The following JPH2 variants were observed in gnomAD, a reference collection of about 807,000 sequenced individuals.
The protein encoded by JPH2 is junctophilin 2.
Under a neutral mutation model 55.9 loss-of-function variants are expected in JPH2, and 38 were observed. That is an observed-to-expected ratio of 0.68 (90% CI 0.52 to 0.89). JPH2 has a LOEUF of 0.89. Among genes scored for constraint, JPH2 ranks in the 40% least tolerant of loss-of-function variants. The pLI, the probability that JPH2 is intolerant of heterozygous loss-of-function variation, is 0.00. For missense variants in JPH2, 964 were observed against 1,037.6 expected, an observed-to-expected ratio of 0.93 and a Z score of 0.97; for synonymous variants, 480 against 472.4, an observed-to-expected ratio of 1.02 and a Z score of -0.21.
chr20:44,134,597 TA>T (rs2072382997), intron 2 of JPH2, among the ~76,000 whole-genome samples: 2 of 14,382 alleles, frequency 1.4e-4, no homozygotes, highest in Non-Finnish European at 2.2e-4. Flanking sequence ...TATATAAATA[TA>T]TATTTATTAT....
intron 1 of JPH2, among the ~76,000 whole-genome samples, 162 bp downstream of exon 1, chr20:44,186,165 G>A (rs1432562416): frequency 6.6e-6 from 1 of 152,066 alleles, no homozygotes; most frequent in Non-Finnish European, 1.5e-5. Flanking sequence ...CAAGAAAATG[G>A]AAGCTCAGAA....
At chr20:44,134,421 T>TATATTTATTATAAATATATATAAATAA (rs2072373631) in intron 2 of JPH2, among the ~76,000 whole-genome samples, 1 of 42,308 alleles carries the variant, frequency 2.4e-5, no homozygotes, top group Non-Finnish European at 3.8e-5. Context: ...TAAATAAATA[T>TATATTTATTATAAATATATATAAATAA]ATATTTATTA....
At chr20:44,122,546 CACTT>C (rs1478677281) in intron 2 of JPH2, among the ~76,000 whole-genome samples, 1 of 152,206 alleles carries the variant, frequency 6.6e-6, no homozygotes, top group East Asian at 1.9e-4. Flanking sequence ...TTGGATCCCT[CACTT>C]ACTCACTCAC....
At chr20:44,115,137 G>C (rs1166654105) in intron 4 of JPH2, among the ~76,000 whole-genome samples, 1 of 152,116 alleles carries the variant, frequency 6.6e-6, no homozygotes, top group African/African-American at 2.4e-5. Context: ...ATCAGGCCTG[G>C]AACCCAGGCA....
At chr20:44,138,169 G>A (rs1354047465) in intron 2 of JPH2, among the ~76,000 whole-genome samples, 3 of 151,480 alleles carry the variant, frequency 2.0e-5, no homozygotes, top group East Asian at 1.9e-4. Context: ...CACCACGCCC[G>A]GCCAATTTTT....
chr20:44,118,862 G>A (rs2072214142), intron 2 of JPH2, among the ~76,000 whole-genome samples: 1 of 152,228 alleles, frequency 6.6e-6, no homozygotes, highest in Non-Finnish European at 1.5e-5. Context: ...GTGTGGTCAG[G>A]TGACTGAGTT....
Position 44,159,648 on chromosome 20 carries a change from G to A in JPH2, c.1139C>T (p.Ala380Val), listed in dbSNP as rs1216466447. 3.1e-6 allele frequency: 5 copies of A among 1,607,204 alleles called. No individual in the cohort carries two copies. Among genetic ancestry groups the A allele is most frequent in the African/African-American group, 2.7e-5 (2 of 74,922 alleles). Residue 380 changes from alanine (A) to valine (V), a missense_variant, in exon 2 of 6, where the codon GCG (alanine) becomes GTG (valine). Physicochemically the swap from Ala to Val is moderately conservative, Grantham distance 64. Coordinates refer to ENST00000372980, the MANE Select transcript of JPH2 (RefSeq NM_020433.5). This position sits in a 1 kb window ranked among gnomAD's most constrained non-coding sequence, Gnocchi z 5.7. ...VEGAQRAAAIARQKAEIAASR... is the reference protein window; with the variant it reads ...VEGAQRAAAIVRQKAEIAASR... Reference sequence around the variant, plus strand: ...GGCGGCAATCTCGGCCTTCTGGCGCGCGATAGCAGCGGCGCGCTGGGCACC... The same window carrying A: ...GGCGGCAATCTCGGCCTTCTGGCGCACGATAGCAGCGGCGCGCTGGGCACC...
intron 1 of JPH2, among the ~76,000 whole-genome samples, chr20:44,170,969 C>T (rs2072692825): frequency 1.3e-5 from 2 of 152,178 alleles, no homozygotes; most frequent in South Asian, 4.2e-4. Context: ...ATCCTTTTCT[C>T]CCTCGATGAT....
intron 2 of JPH2, among the ~76,000 whole-genome samples, chr20:44,150,731 A>G (rs2072525155): frequency 6.6e-6 from 1 of 152,208 alleles, no homozygotes; most frequent in South Asian, 2.1e-4. Flanking sequence ...ATAACAACAA[A>G]AAGACAAATA....
chr20:44,183,757 CT>C (rs2072806719), intron 1 of JPH2, among the ~76,000 whole-genome samples: 1 of 152,228 alleles, frequency 6.6e-6, no homozygotes, highest in South Asian at 2.1e-4. Flanking sequence ...GTCAGTTCCT[CT>C]TTCCAATGCA....
chr20:44,148,463 C>T (rs977681074), intron 2 of JPH2, among the ~76,000 whole-genome samples: 2 of 152,124 alleles, frequency 1.3e-5, no homozygotes, highest in Non-Finnish European at 2.9e-5. Context: ...GACACAATGG[C>T]CTTCCCCTAA....
intron 3 of JPH2, among the ~76,000 whole-genome samples, chr20:44,117,139 C>T (rs2072198884): frequency 6.6e-6 from 1 of 152,156 alleles, no homozygotes; most frequent in South Asian, 2.1e-4. Flanking sequence ...ATTAGCTGGG[C>T]ATGGTGGCGC....
intron 2 of JPH2, among the ~76,000 whole-genome samples, chr20:44,145,779 C>T (rs926652471): frequency 6.6e-6 from 1 of 152,142 alleles, no homozygotes; most frequent in African/African-American, 2.4e-5. Flanking sequence ...GCCTCCCTCA[C>T]CCTGCCTTCC....
intron 1 of JPH2, among the ~76,000 whole-genome samples, chr20:44,168,189 G>C (rs924786293): frequency 2.6e-5 from 4 of 152,204 alleles, no homozygotes; most frequent in Non-Finnish European, 5.9e-5. Flanking sequence ...AGAAGACAGA[G>C]AGAGCTCAGG....
At chr20:44,173,913 AAAAC>A (rs923450652) in intron 1 of JPH2, among the ~76,000 whole-genome samples, 7 of 152,172 alleles carry the variant, frequency 4.6e-5, no homozygotes, top group African/African-American at 1.4e-4. Flanking sequence ...ACTCCGACTC[AAAAC>A]AAACAAACAA....
At chr20:44,116,676 C>T (rs985236444) in intron 3 of JPH2, among the ~76,000 whole-genome samples, 55 of 152,364 alleles carry the variant, frequency 3.6e-4, no homozygotes, top group African/African-American at 1.2e-3. Context: ...GACTAGCACC[C>T]AGCAGTCTGG....
At chr20:44,120,187 G>A (rs934693217) in intron 2 of JPH2, among the ~76,000 whole-genome samples, 12 of 152,006 alleles carry the variant, frequency 7.9e-5, no homozygotes, top group African/African-American at 2.7e-4. Flanking sequence ...AACCTACACC[G>A]TCCAAGTTCA....
chr20:44,162,659 C>T (rs1043875146), intron 1 of JPH2, among the ~76,000 whole-genome samples: 6 of 150,354 alleles, frequency 4.0e-5, no homozygotes, highest in Admixed American at 2.7e-4. Flanking sequence ...CTTTGGGACT[C>T]GGACTGGCTT....
In JPH2 at chr20:44,187,077, C is replaced by T. The variant is rs1256589708; in HGVS notation, c.-372G>A. ...CAGTGAAAGGGTGGGGTGGAGGGGT[C>T]CCCAGCCTTTTCAAAGAGGGGAAAT... On this transcript the variant is annotated 5_prime_UTR_variant, in exon 1 of 6. Coordinates refer to ENST00000372980, the MANE Select transcript of JPH2 (RefSeq NM_020433.5). 4 of 224,658 alleles carry T rather than the reference C, an allele frequency of 1.8e-5. No homozygotes were observed. The highest frequency in any genetic ancestry group is 5.3e-5 in the Admixed American group (1 of 19,034). The allele number at this position is 224,658 out of a possible 1,614,324, so 13.9% of individuals were successfully genotyped here. A position where few individuals can be genotyped will look rare whatever the true frequency, so the allele number is the denominator to read the frequency against.
Sources: allele counts gnomAD v4.1 joint callset (sites outside exome capture counted in the v4.1 genomes callset), GRCh38; gene constraint gnomAD v4.1.1; non-coding constraint Gnocchi (gnomAD v3.1); transcripts MANE v1.5; gene names NCBI Gene and HGNC (gene_info 2026-07-23, HGNC 2026-07-21).